Variants in PBX1 observed in about 807,000 individuals in gnomAD.
PBX1 encodes pre-B-cell leukemia transcription factor 1.
Under a neutral mutation model 53.4 loss-of-function variants are expected in PBX1, and 6 were observed. The observed-to-expected ratio is 0.11, with a 90% confidence interval of 0.06 to 0.22. The LOEUF (loss-of-function observed/expected upper bound fraction) is 0.22, where lower values mean the gene tolerates loss of function less well. PBX1 is among the 10% of genes least tolerant of loss of function. The pLI is 1.00. For synonymous variants in PBX1, 204 were observed against 212.3 expected (o/e 0.96, Z 0.34); for missense variants, 251 against 551.4 (o/e 0.46, Z 5.46).
At chr1:164,733,145 A>C (rs1037093921) in intron 2 of PBX1, among the ~76,000 whole-genome samples, 2 of 152,104 alleles carry the variant, frequency 1.3e-5, no homozygotes, top group Non-Finnish European at 2.9e-5. Flanking sequence ...GTTCTGAGAT[A>C]TTGATGTTTC....
intron 4 of PBX1, among the ~76,000 whole-genome samples, chr1:164,800,229 C>G (rs1387998582): frequency 6.6e-6 from 1 of 152,190 alleles, no homozygotes; most frequent in Non-Finnish European, 1.5e-5. Flanking sequence ...TACTAGCATT[C>G]TATCACGACA....
At chr1:164,587,795 C>T (rs917895872) in intron 2 of PBX1, among the ~76,000 whole-genome samples, 29 of 152,266 alleles carry the variant, frequency 1.9e-4, no homozygotes, top group African/African-American at 6.3e-4. Flanking sequence ...GCCTCACACG[C>T]GCCACACCAG....
chr1:164,884,102 A>T (rs990498067), intron 2 of PBX1, among the ~76,000 whole-genome samples: 7 of 152,188 alleles, frequency 4.6e-5, no homozygotes, highest in Non-Finnish European at 4.4e-5. Context: ...TATTACTAGG[A>T]TCAGTTGCTT....
Position 164,876,001 on chromosome 1 carries a change from TATATAC to T in PBX1, n.258-23185_258-23180del, listed in dbSNP as rs1358473276. Among the ~76,000 whole-genome samples, 48 of 55,820 alleles carry T rather than the reference TATATAC, an allele frequency of 8.6e-4. 1 individual carries two copies. The highest frequency in any genetic ancestry group is 0.014 in the Middle Eastern group (1 of 70). 36.6% of individuals were successfully genotyped at this position (55,820 alleles called of 152,430 possible). On this transcript the variant is annotated intron_variant and non_coding_transcript_variant, in intron 2 of 2. Coordinates refer to the PBX1 transcript ENST00000558796. Reference sequence around the variant, plus strand: ...TTTGGTGTATGTGTATATATATATATATATACACACATACACCAAATGGTTTTTTAT... The same window carrying T: ...TTTGGTGTATGTGTATATATATATATACACATACACCAAATGGTTTTTTAT...
At chr1:164,584,631 A>G (rs1654832276) in intron 2 of PBX1, among the ~76,000 whole-genome samples, 1 of 152,116 alleles carries the variant, frequency 6.6e-6, no homozygotes, top group South Asian at 2.1e-4. Flanking sequence ...TGGTGTGTGA[A>G]GAGTAAGAGG....
intron 2 of PBX1, chr1:164,657,039 C>T (rs1353201131): frequency 6.6e-6 from 1 of 152,042 alleles, no homozygotes; most frequent in Non-Finnish European, 1.5e-5. Context: ...ATACTCTATT[C>T]CAAATAAGGA....
At chr1:164,721,846 A>T (rs1664427107) in intron 2 of PBX1, among the ~76,000 whole-genome samples, 1 of 152,106 alleles carries the variant, frequency 6.6e-6, no homozygotes, top group Admixed American at 6.5e-5. Flanking sequence ...TATTCCCTTT[A>T]CAAAATATGA....
intron 2 of PBX1, among the ~76,000 whole-genome samples, chr1:164,776,344 A>T (rs562779092): frequency 6.4e-4 from 98 of 152,326 alleles, no homozygotes; most frequent in African/African-American, 2.3e-3. Flanking sequence ...AAGGCAGAAC[A>T]GAAAAGCTGC....
chr1:164,621,810 C>T (rs1486564244), intron 2 of PBX1, among the ~76,000 whole-genome samples: 1 of 152,154 alleles, frequency 6.6e-6, no homozygotes, highest in East Asian at 1.9e-4. Context: ...CCTGAGTCTG[C>T]CCATCGAATA....
intron 2 of PBX1, among the ~76,000 whole-genome samples, chr1:164,743,711 G>A (rs1019896961): frequency 1.3e-5 from 2 of 152,074 alleles, no homozygotes; most frequent in African/African-American, 2.4e-5. Context: ...GGGTCATTAG[G>A]GAGCCAAAGG....
At chr1:164,652,750 T>G (rs987872372) in intron 2 of PBX1, among the ~76,000 whole-genome samples, 5 of 152,190 alleles carry the variant, frequency 3.3e-5, no homozygotes, top group African/African-American at 4.8e-5. Context: ...TGAAGTGTTT[T>G]GACAAGTAAA....
At chr1:164,621,598 A>G (rs1282569897) in intron 2 of PBX1, among the ~76,000 whole-genome samples, 1 of 152,108 alleles carries the variant, frequency 6.6e-6, no homozygotes, top group Non-Finnish European at 1.5e-5. Flanking sequence ...TACTGGACTG[A>G]AATAATCATG....
intron 2 of PBX1, among the ~76,000 whole-genome samples, chr1:164,698,708 A>T (rs897312661): frequency 6.6e-6 from 1 of 152,134 alleles, no homozygotes; most frequent in African/African-American, 2.4e-5. Flanking sequence ...TTCAAATATG[A>T]TTCTAATTGT....
intron 8 of PBX1, among the ~76,000 whole-genome samples, chr1:164,835,399 G>A (rs1347278359): frequency 6.6e-6 from 1 of 152,064 alleles, no homozygotes; most frequent in African/African-American, 2.4e-5. Context: ...GTGATGTATT[G>A]TAAACTTTTC....
chr1:164,618,557 A>G (rs975773535), intron 2 of PBX1, among the ~76,000 whole-genome samples: 1 of 152,258 alleles, frequency 6.6e-6, no homozygotes, highest in African/African-American at 2.4e-5. Context: ...CACCCAAGTG[A>G]ATAATCTTTA....
In PBX1 at chr1:164,849,038, A is replaced by G; in HGVS notation, c.*2362A>G. ...TTGTGACAACTTCATAGTGATTAGAATCAGTGGAGAACTCCATCTTAGTGG... is the reference window on the plus strand; with the variant it reads ...TTGTGACAACTTCATAGTGATTAGAGTCAGTGGAGAACTCCATCTTAGTGG... On this transcript the variant is annotated 3_prime_UTR_variant, in exon 9 of 9. Coordinates refer to ENST00000420696, the MANE Select transcript of PBX1 (RefSeq NM_002585.4). 8.0e-7 allele frequency: 1 copy of G among 1,243,694 alleles called. No individual in the cohort carries two copies. Among genetic ancestry groups the G allele is most frequent in the East Asian group, 3.4e-5 (1 of 29,126 alleles). The allele number at this position is 1,243,694 out of a possible 1,614,324, so 77.0% of individuals were successfully genotyped here.
At chr1:164,846,549 C>CA (rs1478846959) in intron 8 of PBX1, 35 bp from the exon 9 acceptor site, 1 of 1,596,346 alleles carries the variant, frequency 6.3e-7, no homozygotes, top group Non-Finnish European at 8.6e-7. Context: ...CACCCAATCT[C>CA]AGAGGACTGA....
intron 2 of PBX1, chr1:164,641,286 G>A (rs1356106180): frequency 6.5e-6 from 1 of 152,792 alleles, no homozygotes; most frequent in Non-Finnish European, 1.5e-5. Flanking sequence ...AAATGGGAGT[G>A]GGGTCCATTC....
At chr1:164,627,206 T>A (rs1052032273) in intron 2 of PBX1, among the ~76,000 whole-genome samples, 1 of 152,088 alleles carries the variant, frequency 6.6e-6, no homozygotes, top group African/African-American at 2.4e-5. Context: ...CCCCCTTTTT[T>A]CCTTAAGGAA....
Sources: allele counts gnomAD v4.1 joint callset (sites outside exome capture counted in the v4.1 genomes callset), GRCh38; gene constraint gnomAD v4.1.1; transcripts MANE v1.5; gene names NCBI Gene and HGNC (gene_info 2026-07-23, HGNC 2026-07-21).